Variants in PCDH15 observed in about 807,000 individuals in gnomAD.
The protein encoded by PCDH15 is protocadherin-15.
A neutral mutation model predicts 178.5 loss-of-function variants in PCDH15; 129 were observed. The observed-to-expected ratio is 0.72, with a 90% CI of 0.63 to 0.84. PCDH15 has a LOEUF of 0.84. PCDH15 is among the 40% of genes least tolerant of loss of function. The pLI, the probability that PCDH15 is intolerant of heterozygous loss-of-function variation, is 0.00. For missense variants in PCDH15, 2,230 were observed against 2,099.9 expected (o/e 1.06, Z -1.21); for synonymous variants, 800 against 732.0 (o/e 1.09, Z -1.50).
chr10:55,574,586 A>G (rs1038273404), intron 2 of PCDH15, among the ~76,000 whole-genome samples: 3 of 152,076 alleles, frequency 2.0e-5, no homozygotes, highest in Non-Finnish European at 4.4e-5. Flanking sequence ...ACTAGTGGAC[A>G]GCAAATATAT....
chr10:55,365,576 G>A (rs1845334523), intron 2 of PCDH15, among the ~76,000 whole-genome samples: 1 of 152,074 alleles, frequency 6.6e-6, no homozygotes, highest in Non-Finnish European at 1.5e-5. Flanking sequence ...TGTCATGGGA[G>A]GAACCCAGTG....
chr10:54,455,142 C>G (rs1248465236), intron 3 of PCDH15, among the ~76,000 whole-genome samples: 5 of 152,098 alleles, frequency 3.3e-5, no homozygotes, highest in Admixed American at 3.3e-4. Flanking sequence ...TGAGGCCTCT[C>G]CAGCCCTGTG....
chr10:54,126,336 T>G (rs2041989558), intron 15 of PCDH15, among the ~76,000 whole-genome samples: 1 of 151,994 alleles, frequency 6.6e-6, no homozygotes, highest in Admixed American at 6.6e-5. Context: ...TCTCAAACAC[T>G]TTTTTCTACA....
At chr10:55,184,334 C>T (rs76185274) in intron 1 of PCDH15, among the ~76,000 whole-genome samples, 85 of 152,038 alleles carry the variant, frequency 5.6e-4, no homozygotes, top group African/African-American at 2.0e-3. Flanking sequence ...GGTGTGAGGA[C>T]TCACTACAAA....
Position 53,944,610 on chromosome 10 carries a change from C to T in PCDH15, c.3123-3635G>A, listed in dbSNP as rs1000698907. Among the ~76,000 whole-genome samples, 3 of 152,160 alleles carry T rather than the reference C, an allele frequency of 2.0e-5. No individual in the cohort carries two copies. In the East Asian group the frequency reaches 5.8e-4, roughly 29 times the overall value. ...TGTGAGTGTCTGAAATGGAAGAATA[C>T]TATCTTTCAAAGCTAAATTTACTGC... On this transcript the variant is annotated intron_variant, in intron 23 of 37. Transcript: ENST00000644397.
At chr10:55,026,231 G>A (rs1840471919) in intron 2 of PCDH15, among the ~76,000 whole-genome samples, 1 of 151,038 alleles carries the variant, frequency 6.6e-6, no homozygotes, top group Non-Finnish European at 1.5e-5. Flanking sequence ...GATTTATGGA[G>A]GCAACTGTTA....
intron 2 of PCDH15, among the ~76,000 whole-genome samples, chr10:54,964,036 C>T (rs575939128): frequency 5.3e-5 from 8 of 152,222 alleles, no homozygotes; most frequent in African/African-American, 1.7e-4. Flanking sequence ...GAGTTGGCAA[C>T]AGGAAGCAGG....
intron 5 of PCDH15, among the ~76,000 whole-genome samples, chr10:54,364,410 GA>G (rs1946507515): frequency 6.6e-6 from 1 of 151,970 alleles, no homozygotes; most frequent in Non-Finnish European, 1.5e-5. Flanking sequence ...ATTGTTTGAT[GA>G]TTAGAAAACA....
intron 2 of PCDH15, among the ~76,000 whole-genome samples, chr10:55,449,072 CATTG>C (rs1839378219): frequency 6.6e-6 from 1 of 151,880 alleles, no homozygotes; most frequent in South Asian, 2.1e-4. Flanking sequence ...TAGATCTAGG[CATTG>C]ATTGAGGTAA....
At chr10:54,460,507 A>G (rs963085364) in intron 3 of PCDH15, among the ~76,000 whole-genome samples, 2 of 152,084 alleles carry the variant, frequency 1.3e-5, no homozygotes, top group African/African-American at 4.8e-5. Context: ...GAGACAAACA[A>G]GATGCTAATG....
At chr10:55,457,097 G>A (rs923226307) in intron 2 of PCDH15, among the ~76,000 whole-genome samples, 3 of 151,902 alleles carry the variant, frequency 2.0e-5, no homozygotes, top group African/African-American at 7.2e-5. Context: ...GTCCTAAAAC[G>A]GCATATCACA....
intron 18 of PCDH15, among the ~76,000 whole-genome samples, chr10:54,041,856 A>C (rs773193309): frequency 9.2e-5 from 14 of 152,118 alleles, no homozygotes; most frequent in Non-Finnish European, 1.6e-4. Flanking sequence ...GTATTAAATA[A>C]AAGTCATGAC....
intron 2 of PCDH15, among the ~76,000 whole-genome samples, chr10:54,656,315 A>G (rs2094405568): frequency 6.6e-6 from 1 of 150,496 alleles, no homozygotes; most frequent in Non-Finnish European, 1.5e-5. Context: ...ATTGACCCCC[A>G]AGGAACTTAG....
chr10:54,362,310 TG>T (rs1431127476), intron 5 of PCDH15, among the ~76,000 whole-genome samples: 1 of 152,062 alleles, frequency 6.6e-6, no homozygotes, highest in Non-Finnish European at 1.5e-5. Flanking sequence ...TAGTTCCTAA[TG>T]AGTATGCCTA....
At chr10:54,978,566 G>T (rs1438734037) in intron 2 of PCDH15, among the ~76,000 whole-genome samples, 1 of 152,070 alleles carries the variant, frequency 6.6e-6, no homozygotes, top group Non-Finnish European at 1.5e-5. Flanking sequence ...TTACCCTTTT[G>T]TAGGGAAATT....
intron 8 of PCDH15, among the ~76,000 whole-genome samples, chr10:54,282,375 C>T (rs12262364): frequency 0.21 from 31,195 of 151,930 alleles, 3,288 homozygotes; most frequent in Admixed American, 0.23. Context: ...AGACCATACA[C>T]TGCACTAGAA....
chr10:54,160,570 T>C lies in PCDH15; in HGVS notation c.1591-7277A>G, dbSNP rs563434496. ...CAATAAAAAATAAACTTCCTAAAAATTAAAAGCTTTTTCTCTACCAAAAAC... is the reference window on the plus strand; with the variant it reads ...CAATAAAAAATAAACTTCCTAAAAACTAAAAGCTTTTTCTCTACCAAAAAC... On this transcript the variant is annotated intron_variant, in intron 13 of 37. Transcript: ENST00000644397. Among the ~76,000 whole-genome samples the C allele has an allele frequency of 1.2e-3, 177 of 152,242 alleles. 5 individuals carry two copies. The South Asian group carries it at 0.034, about 29-fold the overall frequency.
intron 1 of PCDH15, among the ~76,000 whole-genome samples, chr10:54,727,984 CA>C (rs1306928666): frequency 6.6e-6 from 1 of 151,480 alleles, no homozygotes; most frequent in Non-Finnish European, 1.5e-5. Flanking sequence ...GATATATTTA[CA>C]GCTGAATTCT....
chr10:54,068,556 A>ATT (rs2094180426), intron 17 of PCDH15, among the ~76,000 whole-genome samples: 1 of 152,188 alleles, frequency 6.6e-6, no homozygotes, highest in Non-Finnish European at 1.5e-5. Context: ...GCTATAAGTA[A>ATT]TAACATGGAT....
Sources: gnomAD v4.1 joint callset for allele counts (sites outside exome capture counted in the v4.1 genomes callset) on GRCh38, gnomAD v4.1.1 for gene constraint, MANE v1.5 for transcripts, NCBI Gene and HGNC (gene_info 2026-07-23, HGNC 2026-07-21) for gene names.